The following ATM variants were observed in gnomAD, a reference collection of about 807,000 sequenced individuals.
The protein encoded by ATM is serine-protein kinase ATM.
A neutral mutation model predicts 387.0 loss-of-function variants in ATM; 308 were observed. The ratio of observed to expected loss-of-function variants is 0.80; its 90% confidence interval spans 0.73 to 0.87. The LOEUF is 0.87. Ranked by LOEUF, ATM falls within the 40% of genes least tolerant of loss-of-function variation. ATM has a pLI of 0.00. For synonymous variants in ATM, 1,156 were observed against 1,187.3 expected, an observed-to-expected ratio of 0.97 and a Z score of 0.54; for missense variants, 3,312 against 3,560.9, an observed-to-expected ratio of 0.93 and a Z score of 1.78.
rs770563728 is a variant in ATM, at chr11:108,254,060, A to G, written c.2124+21A>G. 29 of 1,605,690 alleles carry G rather than the reference A, an allele frequency of 1.8e-5. No individual in the cohort carries two copies. Among genetic ancestry groups the G allele is most frequent in the Non-Finnish European group, 2.4e-5 (28 of 1,174,316 alleles). ...CTGAGGTGAGATTTTTTAAAAAAAG[A>G]ACTAAGCTTATATATGATTCAACTT... On this transcript the variant is annotated intron_variant, in intron 13 of 62. Transcript: ENST00000675843.
chr11:108,229,260 A>G lies in ATM; in HGVS notation c.268A>G (p.Arg90Gly), dbSNP rs868748140. The G allele has an allele frequency of 1.2e-6, 2 of 1,613,892 alleles. No individual in the cohort carries two copies. Among genetic ancestry groups the G allele is most frequent in the African/African-American group, 1.3e-5 (1 of 75,064 alleles). The part of the protein sequence containing the change: ...PNVSASTQAS[R>G]QKKMQEISSL... ...TGTATCAGCCTCAACACAAGCCTCC[A>G]GGCAGAAAAAGATGCAGGAAATCAG... is the stretch of plus-strand genomic sequence containing the variant. The change falls in exon 4 of 63, where the codon AGG (arginine) becomes GGG (glycine). Residue 90 changes from arginine to glycine, a missense_variant. This residue lies in a region of ATM where 1,791 missense variants were observed against 1,804.5 expected (regional missense o/e 0.99). Coordinates refer to ENST00000675843, the MANE Select transcript of ATM (RefSeq NM_000051.4).
intron 18 of ATM, among the ~76,000 whole-genome samples, chr11:108,270,140 G>A (rs1318766030): frequency 1.3e-5 from 2 of 152,074 alleles, no homozygotes; most frequent in Non-Finnish European, 2.9e-5. Context: ...CTCGGAAACT[G>A]GCTGCCCAGA....
intron 22 of ATM, among the ~76,000 whole-genome samples, chr11:108,274,893 C>G (rs1459364660): frequency 6.6e-6 from 1 of 152,090 alleles, no homozygotes; most frequent in Non-Finnish European, 1.5e-5. Context: ...TCTGCTTGGT[C>G]CAGAGTTCGG....
In ATM at chr11:108,253,903, T is replaced by C; in HGVS notation, c.1988T>C (p.Leu663Ser). The change falls in exon 13 of 63, where the codon TTA becomes TCA. Residue 663 changes from leucine (L) to serine (S), a missense_variant. Coordinates refer to ENST00000675843, the MANE Select transcript of ATM (RefSeq NM_000051.4). ...ACAACTTTTGACAAGATGGACTTTT[T>C]AACCATTGTGAGAGAATGTGGTATA... ...LQTTFDKMDF[L>S]TIVRECGIEK... is the part of the protein sequence containing the mutation. 1 of 1,614,104 alleles carries C rather than the reference T, an allele frequency of 6.2e-7. No individual in the cohort carries two copies.
chr11:108,288,869 T>C (rs1377513491), intron 27 of ATM, 108 bp from the exon 28 acceptor site: 1 of 1,361,678 alleles, frequency 7.3e-7, no homozygotes. Context: ...AAAAATGGTT[T>C]TTGAATTTGG....
intron 34 of ATM, 88 bp from the exon 35 acceptor site, chr11:108,301,560 T>A: frequency 6.5e-7 from 1 of 1,540,786 alleles, no homozygotes; most frequent in Non-Finnish European, 8.9e-7. Flanking sequence ...ATTTTAAATT[T>A]TAGTTTTGAA....
chr11:108,243,307 A>G (rs75698159), intron 5 of ATM, among the ~76,000 whole-genome samples: 1 of 151,780 alleles, frequency 6.6e-6, no homozygotes, highest in African/African-American at 2.4e-5. Flanking sequence ...ATCAAACAGT[A>G]TTATTATTTT....
chr11:108,363,560 G>A (rs762857920), intron 61 of ATM, among the ~76,000 whole-genome samples: 38 of 152,192 alleles, frequency 2.5e-4, no homozygotes, highest in Admixed American at 5.2e-4. Context: ...GATGAGGATA[G>A]TATTGGCATC....
At chr11:108,231,408 CAGG>C (rs1178461883) in intron 4 of ATM, 1 of 151,926 alleles carries the variant, frequency 6.6e-6, no homozygotes, top group Non-Finnish European at 1.5e-5. Flanking sequence ...ATTTAAGAAT[CAGG>C]AGTGTGAGGC....
At chr11:108,325,896 G>C (rs558194164) in intron 46 of ATM, among the ~76,000 whole-genome samples, 162 bp from the exon 47 acceptor site, 4 of 152,264 alleles carry the variant, frequency 2.6e-5, no homozygotes, top group East Asian at 3.9e-4. Context: ...AGGCAGACGT[G>C]GGGTGGGGAG....
chr11:108,268,280 A>T, intron 17 of ATM, 130 bp from the exon 18 acceptor site: 1 of 753,538 alleles, frequency 1.3e-6, no homozygotes, highest in South Asian at 1.6e-5. Flanking sequence ...CTTTCAGTAT[A>T]TAATTAATTT....
intron 29 of ATM, chr11:108,290,662 AAAAAAG>A (rs2082739109): frequency 6.7e-6 from 1 of 149,580 alleles, no homozygotes; most frequent in African/African-American, 2.5e-5. Context: ...AAAAAAAAAA[AAAAAAG>A]AAAATTATCC....
At position 108,347,287 on chromosome 11, in the gene ATM, A is replaced by G. The variant is rs786202223; in HGVS notation, c.8593A>G (p.Ile2865Val). ...GTTTCTTTTTTCTCCAGTTGGTTAC[A>G]TACTTGGACTTGGTGATAGACATGT... ...SVATSSIVGY[I>V]LGLGDRHVQN... Residue 2865 changes from isoleucine to valine, a missense_variant, in exon 59 of 63, where the codon ATA becomes GTA. Transcript: ENST00000675843. The G allele has an allele frequency of 2.2e-5, 35 of 1,608,446 alleles. No individual in the cohort carries two copies. The highest frequency in any genetic ancestry group is 3.0e-5 in the Non-Finnish European group (35 of 1,175,096).
At chr11:108,298,430 G>A (rs1462903411) in intron 33 of ATM, among the ~76,000 whole-genome samples, 1 of 152,186 alleles carries the variant, frequency 6.6e-6, no homozygotes, top group African/African-American at 2.4e-5. Context: ...GAGTACGCTT[G>A]TACATGTAGC....
chr11:108,305,243 A>T (rs1350889269), intron 37 of ATM, among the ~76,000 whole-genome samples: 2 of 152,234 alleles, frequency 1.3e-5, no homozygotes, highest in African/African-American at 4.8e-5. Flanking sequence ...TGCAGATACG[A>T]TAGAATTTTC....
chr11:108,266,573 C>G (rs1423731715), intron 16 of ATM, among the ~76,000 whole-genome samples: 6 of 151,302 alleles, frequency 4.0e-5, no homozygotes, highest in African/African-American at 1.2e-4. Flanking sequence ...CAGCATGGCA[C>G]ATGTATACAT....
In ATM at chr11:108,267,339, A is replaced by G. The variant is rs556598169; in HGVS notation, c.2635A>G (p.Ile879Val). Residue 879 changes from isoleucine to valine, a missense_variant, in exon 17 of 63, where the codon ATA becomes GTA. Coordinates refer to ENST00000675843, the MANE Select transcript of ATM (RefSeq NM_000051.4). ...CGAACCTGGAGAGAGCCAAAGTACC[A>G]TAGGTAAATACATATTTACTACTTG... The part of the protein sequence containing the change: ...ANEPGESQST[I>V]GAINPLAEEY... The G allele has an allele frequency of 3.1e-6, 5 of 1,613,810 alleles. No individual in the cohort carries two copies. The East Asian group carries it at 6.7e-5, about 22-fold the overall frequency.
chr11:108,277,729 C>G (rs541297855), intron 22 of ATM, among the ~76,000 whole-genome samples: 1 of 152,188 alleles, frequency 6.6e-6, no homozygotes, highest in African/African-American at 2.4e-5. Context: ...TAACCAGTCC[C>G]AATGAGATGA....
chr11:108,271,284 T>C lies in ATM; in HGVS notation c.2955T>C (p.Asp985=), dbSNP rs1555085034. 6.2e-7 allele frequency: 1 copy of C among 1,614,004 alleles called. No individual in the cohort carries two copies. The highest frequency in any genetic ancestry group is 8.5e-7 in the Non-Finnish European group (1 of 1,179,992). ...GTTCTTTGTATCGTCGTGACCAAGA[T>C]GTTTGTAAAACTATTTTAAACCATG... The part of the protein sequence containing the change: ...NVCSLYRRDQ[D]VCKTILNHVL... Residue 985 remains aspartate, a synonymous_variant, in exon 20 of 63, where the codon GAT becomes GAC. Transcript: ENST00000675843.
Sources: allele counts gnomAD v4.1 joint callset (sites outside exome capture counted in the v4.1 genomes callset), GRCh38; gene constraint gnomAD v4.1.1; regional missense constraint gnomAD v4.1.1; transcripts MANE v1.5; gene names NCBI Gene and HGNC (gene_info 2026-07-23, HGNC 2026-07-21).